The following LRP1B variants were observed in gnomAD, a reference collection of about 807,000 sequenced individuals.
LRP1B encodes low-density lipoprotein receptor-related protein 1B.
In LRP1B, 217 loss-of-function variants were observed where a neutral mutation model predicts 556.6. The ratio of observed to expected loss-of-function variants is 0.39; its 90% confidence interval spans 0.35 to 0.44. The LOEUF (loss-of-function observed/expected upper bound fraction) is 0.44. LRP1B is among the 20% of genes least tolerant of loss of function. The pLI is 1.00. For synonymous variants in LRP1B, 2,047 were observed against 1,865.8 expected, an observed-to-expected ratio of 1.10 and a Z score of -2.50; for missense variants, 5,053 against 5,620.8, an observed-to-expected ratio of 0.90 and a Z score of 3.23.
At chr2:140,576,531 T>G (rs1681532724) in intron 43 of LRP1B, among the ~76,000 whole-genome samples, 2 of 152,178 alleles carry the variant, frequency 1.3e-5, no homozygotes, top group South Asian at 4.1e-4. Context: ...CGGAATCCAA[T>G]TATTTTTGAG....
chr2:141,973,800 A>AAATG (rs1463058202), intron 1 of LRP1B, among the ~76,000 whole-genome samples: 1 of 151,416 alleles, frequency 6.6e-6, no homozygotes, highest in Non-Finnish European at 1.5e-5. Flanking sequence ...AATCATAGAT[A>AAATG]ATGACTTGTT....
At chr2:141,787,903 TCCA>T (rs1695478121) in intron 2 of LRP1B, among the ~76,000 whole-genome samples, 1 of 152,014 alleles carries the variant, frequency 6.6e-6, no homozygotes, top group Admixed American at 6.6e-5. Flanking sequence ...TTTTTACTTT[TCCA>T]TAAGTTTATT....
chr2:141,818,836 A>C (rs1160425646), intron 1 of LRP1B, among the ~76,000 whole-genome samples: 6 of 151,658 alleles, frequency 4.0e-5, no homozygotes, highest in Non-Finnish European at 2.9e-5. Context: ...GCACCTGGAT[A>C]ACATTTCTGT....
At chr2:140,666,233 T>A (rs113324409) in intron 41 of LRP1B, among the ~76,000 whole-genome samples, 1 of 151,846 alleles carries the variant, frequency 6.6e-6, no homozygotes, top group African/African-American at 2.4e-5. Flanking sequence ...GACCTCGTTA[T>A]CTATCTGACT....
rs1433567773 is a variant in LRP1B at position 141,956,338 on chromosome 2, T to G, written c.83-145937A>C. Among the ~76,000 whole-genome samples, 3 of 152,128 alleles carry G rather than the reference T, an allele frequency of 2.0e-5. No individual in the cohort carries two copies. In the East Asian group the frequency reaches 5.8e-4, roughly 29 times the overall value. ...GTTTTAACTCATATTTATTTGATGATTATTAAACTGGAGTAACTTTTCATG... is the reference window on the plus strand; with the variant it reads ...GTTTTAACTCATATTTATTTGATGAGTATTAAACTGGAGTAACTTTTCATG... On this transcript the variant is annotated intron_variant, in intron 1 of 90. Transcript: ENST00000389484.
chr2:141,718,922 A>G (rs1692717767), intron 2 of LRP1B, among the ~76,000 whole-genome samples: 1 of 152,200 alleles, frequency 6.6e-6, no homozygotes, highest in South Asian at 2.1e-4. Flanking sequence ...ATGACTGAAG[A>G]GCAAATATTT....
chr2:142,098,359 T>C (rs924005558), intron 1 of LRP1B, among the ~76,000 whole-genome samples: 5 of 151,826 alleles, frequency 3.3e-5, no homozygotes, highest in African/African-American at 9.7e-5. Flanking sequence ...TTTACAATAC[T>C]TCAAAGTGTA....
At chr2:141,539,755 G>A (rs1320390406) in intron 2 of LRP1B, among the ~76,000 whole-genome samples, 1 of 152,126 alleles carries the variant, frequency 6.6e-6, no homozygotes, top group African/African-American at 2.4e-5. Context: ...TTATAGAAAA[G>A]TAAATAAGCA....
chr2:141,952,385 T>C (rs966364153), intron 1 of LRP1B, among the ~76,000 whole-genome samples: 6 of 152,100 alleles, frequency 3.9e-5, no homozygotes, highest in Admixed American at 2.6e-4. Context: ...GATGGCTGGG[T>C]CAAATCATTC....
chr2:141,501,048 A>G (rs1683693172), intron 2 of LRP1B, among the ~76,000 whole-genome samples: 1 of 152,124 alleles, frequency 6.6e-6, no homozygotes, highest in African/African-American at 2.4e-5. Context: ...TCATTTTCAA[A>G]CAACAAAAAC....
chr2:140,304,585 T>C (rs1683984564), intron 83 of LRP1B, among the ~76,000 whole-genome samples: 1 of 152,158 alleles, frequency 6.6e-6, no homozygotes, highest in African/African-American at 2.4e-5. Context: ...ATTGCAAAAA[T>C]GTTCTCCCAT....
chr2:140,640,454 G>A (rs1260450051), intron 41 of LRP1B, among the ~76,000 whole-genome samples: 1 of 117,418 alleles, frequency 8.5e-6, no homozygotes, highest in African/African-American at 3.4e-5. Flanking sequence ...GGAGTGCAGT[G>A]GCGCGATCTC....
chr2:141,341,849 A>C (rs1447641236), intron 3 of LRP1B, among the ~76,000 whole-genome samples: 7 of 152,178 alleles, frequency 4.6e-5, no homozygotes, highest in Non-Finnish European at 1.0e-4. Flanking sequence ...TGAACTGCAT[A>C]GATATAAACT....
At chr2:141,411,631 T>C (rs1690854047) in intron 3 of LRP1B, among the ~76,000 whole-genome samples, 1 of 152,122 alleles carries the variant, frequency 6.6e-6, no homozygotes, top group African/African-American at 2.4e-5. Flanking sequence ...TGCATGAAAA[T>C]GTGCGTGCGT....
intron 3 of LRP1B, among the ~76,000 whole-genome samples, chr2:141,411,019 C>T (rs1690831886): frequency 6.6e-6 from 1 of 151,888 alleles, no homozygotes; most frequent in Non-Finnish European, 1.5e-5. Context: ...TAACAATTTG[C>T]TGAAATTTTT....
At chr2:140,494,294 A>G (rs534263923) in intron 56 of LRP1B, among the ~76,000 whole-genome samples, 8 of 152,188 alleles carry the variant, frequency 5.3e-5, no homozygotes, top group Non-Finnish European at 1.2e-4. Context: ...AACATTGGTC[A>G]TTTGTATGAT....
At chr2:141,028,653 C>T (rs1698282022) in intron 11 of LRP1B, among the ~76,000 whole-genome samples, 1 of 151,922 alleles carries the variant, frequency 6.6e-6, no homozygotes, top group African/African-American at 2.4e-5. Flanking sequence ...TTAATTGTTT[C>T]TTATATTAGA....
intron 66 of LRP1B, among the ~76,000 whole-genome samples, chr2:140,392,726 G>C (rs892716003): frequency 2.6e-5 from 4 of 151,964 alleles, no homozygotes; most frequent in Non-Finnish European, 4.4e-5. Context: ...TCAGAATATA[G>C]GATATAAATT....
At chr2:141,825,175 G>A (rs1696882204) in intron 1 of LRP1B, among the ~76,000 whole-genome samples, 2 of 152,122 alleles carry the variant, frequency 1.3e-5, no homozygotes, top group African/African-American at 4.8e-5. Flanking sequence ...CAGTACAAAA[G>A]GTAACAACTA....
Sources: allele counts gnomAD v4.1 joint callset (sites outside exome capture counted in the v4.1 genomes callset), GRCh38; gene constraint gnomAD v4.1.1; transcripts MANE v1.5; gene names NCBI Gene and HGNC (gene_info 2026-07-23, HGNC 2026-07-21).